Variants in RBFOX1 observed in about 807,000 individuals in gnomAD.
RBFOX1 encodes the protein RNA binding protein fox-1 homolog 1.
In RBFOX1, 8 loss-of-function variants were observed where a neutral mutation model predicts 57.7. The ratio of observed to expected loss-of-function variants is 0.14; its 90% CI spans 0.08 to 0.25. The LOEUF is 0.25. RBFOX1 is among the 10% of genes least tolerant of loss of function. The probability of loss-of-function intolerance (pLI) is 1.00; values close to 1 mark genes in which losing one functional copy is unlikely to be tolerated. For synonymous variants in RBFOX1, 326 were observed against 222.4 expected (o/e 1.47, Z -4.15); for missense variants, 611 against 548.5 (o/e 1.11, Z -1.14).
chr16:7,098,795 T>A (rs1393865040), intron 4 of RBFOX1, among the ~76,000 whole-genome samples: 1 of 152,080 alleles, frequency 6.6e-6, no homozygotes, highest in Non-Finnish European at 1.5e-5. Context: ...ATCTTTAAAA[T>A]AAATAAATAA....
At chr16:7,336,326 A>AT (rs1418221269) in intron 4 of RBFOX1, among the ~76,000 whole-genome samples, 8 of 152,156 alleles carry the variant, frequency 5.3e-5, no homozygotes, top group Non-Finnish European at 1.0e-4. Flanking sequence ...TCACCCCTCA[A>AT]TCTAGGTATC....
chr16:5,856,243 A>C (rs1325516063), intron 3 of RBFOX1, among the ~76,000 whole-genome samples: 1 of 41,158 alleles, frequency 2.4e-5, no homozygotes, highest in Non-Finnish European at 4.9e-5. Context: ...ATATATGTGT[A>C]TATATATGTA....
At chr16:5,805,494 G>C (rs189025668) in intron 3 of RBFOX1, among the ~76,000 whole-genome samples, 1 of 152,188 alleles carries the variant, frequency 6.6e-6, no homozygotes, top group Admixed American at 6.5e-5. Context: ...CAAAATGTAA[G>C]CTTCTATGTG....
At chr16:6,153,376 A>C (rs2096814030) in intron 1 of RBFOX1, among the ~76,000 whole-genome samples, 1 of 152,216 alleles carries the variant, frequency 6.6e-6, no homozygotes, top group South Asian at 2.1e-4. Flanking sequence ...TTCCTTGCTA[A>C]TTGAATTCTT....
chr16:5,865,525 G>A (rs754242023), intron 3 of RBFOX1, among the ~76,000 whole-genome samples: 1 of 152,214 alleles, frequency 6.6e-6, no homozygotes, highest in Non-Finnish European at 1.5e-5. Context: ...GTGCATGAAA[G>A]CTGCTCCATG....
intron 4 of RBFOX1, among the ~76,000 whole-genome samples, chr16:7,087,666 C>T (rs543996104): frequency 6.6e-6 from 1 of 152,132 alleles, no homozygotes; most frequent in African/African-American, 2.4e-5. Context: ...GAATGTTATC[C>T]TCATAAACTC....
chr16:6,720,851 A>G (rs1175450062), intron 3 of RBFOX1, among the ~76,000 whole-genome samples: 2 of 152,166 alleles, frequency 1.3e-5, no homozygotes, highest in African/African-American at 4.8e-5. Context: ...GAATATCAGA[A>G]CCATGATTCA....
intron 3 of RBFOX1, among the ~76,000 whole-genome samples, chr16:6,870,342 C>G (rs192797030): frequency 5.3e-5 from 8 of 152,190 alleles, no homozygotes; most frequent in African/African-American, 1.9e-4. Context: ...AAACAGAAAT[C>G]TGATATTCCA....
chr16:6,575,527 C>G, intron 2 of RBFOX1, among the ~76,000 whole-genome samples: 1 of 152,022 alleles, frequency 6.6e-6, no homozygotes, highest in East Asian at 1.9e-4. Context: ...TAAAATTAAA[C>G]ATGAAAACAC....
intron 4 of RBFOX1, among the ~76,000 whole-genome samples, chr16:5,913,726 T>C (rs1386816130): frequency 6.6e-6 from 1 of 152,216 alleles, no homozygotes; most frequent in Non-Finnish European, 1.5e-5. Flanking sequence ...TCAAGAAGAA[T>C]GATATTCCAA....
intron 3 of RBFOX1, chr16:6,723,713 C>T (rs1027687582): frequency 5.9e-5 from 9 of 151,898 alleles, no homozygotes; most frequent in African/African-American, 2.2e-4. Flanking sequence ...TTACAGAAAG[C>T]TGCATCTGTC....
At chr16:6,240,425 C>T (rs1291779823) in intron 1 of RBFOX1, among the ~76,000 whole-genome samples, 2 of 152,026 alleles carry the variant, frequency 1.3e-5, no homozygotes, top group African/African-American at 2.4e-5. Context: ...AACTAAGCTC[C>T]AGATTAGTTG....
At chr16:5,953,024 T>C (rs2059551811) in intron 4 of RBFOX1, among the ~76,000 whole-genome samples, 1 of 149,272 alleles carries the variant, frequency 6.7e-6, no homozygotes, top group Non-Finnish European at 1.5e-5. Flanking sequence ...GTTCCCAGCC[T>C]GGCTACATGG....
chr16:6,568,033 G>A (rs539465835), intron 2 of RBFOX1, among the ~76,000 whole-genome samples: 11 of 152,250 alleles, frequency 7.2e-5, no homozygotes, highest in African/African-American at 2.4e-4. Context: ...TGTTGAACAG[G>A]CTGGCCTTGA....
chr16:6,881,810 G>T (rs1476421809), intron 3 of RBFOX1, among the ~76,000 whole-genome samples: 8 of 151,996 alleles, frequency 5.3e-5, no homozygotes, highest in African/African-American at 1.9e-4. Context: ...TACATACTGG[G>T]TACTTTTATT....
At chr16:7,136,387 A>G (rs1043746337) in intron 4 of RBFOX1, among the ~76,000 whole-genome samples, 3 of 149,886 alleles carry the variant, frequency 2.0e-5, no homozygotes, top group African/African-American at 5.0e-5. Flanking sequence ...GATACAGAAC[A>G]TCTCTATCAT....
At chr16:5,858,654 G>C (rs1466316398) in intron 3 of RBFOX1, among the ~76,000 whole-genome samples, 1 of 152,208 alleles carries the variant, frequency 6.6e-6, no homozygotes, top group Non-Finnish European at 1.5e-5. Context: ...ATTCCTGACA[G>C]TGAGAGTTAT....
chr16:7,434,047 A>G (rs750671373), intron 4 of RBFOX1, among the ~76,000 whole-genome samples: 2 of 152,206 alleles, frequency 1.3e-5, no homozygotes, highest in African/African-American at 2.4e-5. Flanking sequence ...AGCCTGAATG[A>G]TCAGAAAGAC....
intron 1 of RBFOX1, among the ~76,000 whole-genome samples, chr16:6,044,488 T>TAAAAA (rs35188189): frequency 7.0e-6 from 1 of 143,148 alleles, no homozygotes; most frequent in African/African-American, 2.6e-5. Flanking sequence ...TGTTTTAGGT[T>TAAAAA]AAAAAAAAAA....
Sources: gnomAD v4.1 joint callset for allele counts (sites outside exome capture counted in the v4.1 genomes callset) on GRCh38, gnomAD v4.1.1 for gene constraint, MANE v1.5 for transcripts, NCBI Gene and HGNC (gene_info 2026-07-23, HGNC 2026-07-21) for gene names.